The following THADA variants were observed in gnomAD, a reference collection of about 807,000 sequenced individuals.
THADA encodes THADA armadillo repeat containing, also known as tRNA (32-2'-O)-methyltransferase regulator THADA.
A neutral mutation model predicts 219.8 loss-of-function variants in THADA; 213 were observed. The observed-to-expected ratio is 0.97, with a 90% CI of 0.87 to 1.09. The LOEUF is 1.09. Among genes scored for constraint, THADA ranks in the 50% least tolerant of loss-of-function variants. The pLI, the probability that THADA is intolerant of heterozygous loss-of-function variation, is 0.00. For missense variants in THADA, 2,956 were observed against 2,311.3 expected (o/e 1.28, Z -5.72); for synonymous variants, 1,018 against 828.9 (o/e 1.23, Z -3.92).
rs60160209 is a variant in THADA at position 43,470,002 on chromosome 2, G to A, written c.3836+15232C>T. 8.6e-3 allele frequency among the ~76,000 whole-genome samples: 1,302 copies of A among 152,146 alleles called. 18 individuals are homozygous for A. Among genetic ancestry groups the A allele is most frequent in the African/African-American group, 0.03 (1,245 of 41,496 alleles). Reference sequence around the variant, plus strand: ...GAGGCAGGCAGATCACTTGAGCTCAGGAGTTTGAGGCCAGCATGGGCAACA... The same window carrying A: ...GAGGCAGGCAGATCACTTGAGCTCAAGAGTTTGAGGCCAGCATGGGCAACA... On this transcript the variant is annotated intron_variant, in intron 26 of 37. Coordinates refer to ENST00000405975, the MANE Select transcript of THADA (RefSeq NM_022065.5).
rs534140772 is a variant in THADA, at chr2:43,449,271, G to A, written c.3837-18969C>T. ...TGAAGATAAGACAAGGGAAATTATT[G>A]AGTCTGAGGAACAAAAAAAAGATTA... On this transcript the variant is annotated intron_variant, in intron 26 of 37. Coordinates refer to ENST00000405975, the MANE Select transcript of THADA (RefSeq NM_022065.5). Among the ~76,000 whole-genome samples, 63 of 152,202 alleles carry A rather than the reference G, an allele frequency of 4.1e-4. 1 individual carries two copies. The South Asian group carries it at 0.012, about 30-fold the overall frequency.
At chr2:43,442,611 T>G (rs1341213790) in intron 26 of THADA, among the ~76,000 whole-genome samples, 1 of 152,206 alleles carries the variant, frequency 6.6e-6, no homozygotes. Context: ...GCATTAATTT[T>G]TTTTAGAAAC....
chr2:43,264,698 C>A (rs1671324849), intron 36 of THADA, among the ~76,000 whole-genome samples: 1 of 152,092 alleles, frequency 6.6e-6, no homozygotes, highest in African/African-American at 2.4e-5. Context: ...TAGATCTACT[C>A]TGGATTGGGA....
intron 36 of THADA, among the ~76,000 whole-genome samples, chr2:43,263,358 C>T (rs1241329540): frequency 6.6e-6 from 1 of 152,046 alleles, no homozygotes; most frequent in Admixed American, 6.5e-5. Context: ...CCTGACCTGG[C>T]CAAGGATGCA....
intron 20 of THADA, 117 bp from the exon 21 acceptor site, chr2:43,541,433 C>T (rs529823770): frequency 7.8e-6 from 9 of 1,148,980 alleles, no homozygotes; most frequent in South Asian, 5.6e-5. Context: ...CCCGATTTGT[C>T]ATGTTATATT....
At chr2:43,560,447 G>A in intron 15 of THADA, 62 bp from the exon 16 acceptor site, 1 of 1,257,178 alleles carries the variant, frequency 8.0e-7, no homozygotes, top group Non-Finnish European at 1.1e-6. Flanking sequence ...GTCTTCTGAA[G>A]TTATTTGACC....
At chr2:43,304,387 A>C (rs2104416066) in intron 31 of THADA, among the ~76,000 whole-genome samples, 1 of 152,228 alleles carries the variant, frequency 6.6e-6, no homozygotes, top group East Asian at 1.9e-4. Context: ...CAACCCAACA[A>C]CAACAAAAAA....
chr2:43,490,074 C>A (rs1029216075), intron 25 of THADA, among the ~76,000 whole-genome samples: 1 of 152,042 alleles, frequency 6.6e-6, no homozygotes, highest in African/African-American at 2.4e-5. Context: ...CTTGCAGTTC[C>A]TTTGCTAAAT....
chr2:43,485,095 G>A, intron 26 of THADA, 139 bp downstream of exon 26: 1 of 611,604 alleles, frequency 1.6e-6, no homozygotes, highest in Non-Finnish European at 2.7e-6. Flanking sequence ...TGGCAGCATA[G>A]GTTAATTCAT....
rs958694076 is a variant in THADA, at chr2:43,566,785, C to T, written c.2224G>A (p.Ala742Thr). The change falls in exon 15 of 38, where the codon GCA becomes ACA. Residue 742 changes from alanine to threonine, a missense_variant. Ala to Thr is a moderately conservative substitution (Grantham distance 58). Transcript: ENST00000405975. ...MSSICNSLFE[A>T]LFPGSSYSTR... ...GAGTAGGAAGATCCAGGAAACAATGCTTCAAAAAGACTGTTACAAATGGAT... is the reference window on the plus strand; with the variant it reads ...GAGTAGGAAGATCCAGGAAACAATGTTTCAAAAAGACTGTTACAAATGGAT... 1.3e-5 allele frequency: 20 copies of T among 1,518,570 alleles called. No homozygotes were observed. Among genetic ancestry groups the T allele is most frequent in the Non-Finnish European group, 1.7e-5 (19 of 1,139,942 alleles). The allele number at this position is 1,518,570 out of a possible 1,614,324, so 94.1% of individuals were successfully genotyped here.
At chr2:43,419,420 AT>A (rs974736524) in intron 28 of THADA, among the ~76,000 whole-genome samples, 2 of 152,226 alleles carry the variant, frequency 1.3e-5, no homozygotes, top group Non-Finnish European at 2.9e-5. Flanking sequence ...TTACTAGAAG[AT>A]TAGAAATAGA....
chr2:43,249,488 G>A (rs1348350998), intron 36 of THADA, among the ~76,000 whole-genome samples: 1 of 152,134 alleles, frequency 6.6e-6, no homozygotes, highest in South Asian at 2.1e-4. Flanking sequence ...AGACAACTCT[G>A]ACCTGATTAT....
chr2:43,541,441 AT>A, intron 20 of THADA, 125 bp from the exon 21 acceptor site: 1 of 1,058,758 alleles, frequency 9.4e-7, no homozygotes, highest in Non-Finnish European at 1.4e-6. Flanking sequence ...GTCATGTTAT[AT>A]TTACTCAGAA....
chr2:43,367,507 C>A (rs904074698), intron 29 of THADA, among the ~76,000 whole-genome samples: 1 of 152,072 alleles, frequency 6.6e-6, no homozygotes, highest in Non-Finnish European at 1.5e-5. Context: ...CTAACATTAC[C>A]AACTGGTATT....
chr2:43,397,877 C>T, intron 29 of THADA, 94 bp downstream of exon 29: 1 of 1,304,680 alleles, frequency 7.7e-7, no homozygotes, highest in Non-Finnish European at 1.1e-6. Flanking sequence ...AGTTAAGAGG[C>T]TGTGTATCAA....
chr2:43,308,561 G>T (rs1203147050), intron 31 of THADA, among the ~76,000 whole-genome samples: 1 of 151,820 alleles, frequency 6.6e-6, no homozygotes, highest in African/African-American at 2.4e-5. Flanking sequence ...AAGAATTAGG[G>T]CATGGTGGCA....
chr2:43,420,515 A>T (rs1294623763), intron 28 of THADA, among the ~76,000 whole-genome samples: 1 of 152,216 alleles, frequency 6.6e-6, no homozygotes, highest in African/African-American at 2.4e-5. Flanking sequence ...TAAGAATGGG[A>T]CTGTGTGCAG....
Position 43,580,163 on chromosome 2 carries a change from T to A in THADA, c.722-1556A>T, listed in dbSNP as rs57972374. ...CCTCAGCCTCCCGAGTAGCTGGAAC[T>A]ACAGGTGCACGCCACCACGCCCAGC... On this transcript the variant is annotated intron_variant, in intron 8 of 37. Coordinates refer to ENST00000405975, the MANE Select transcript of THADA (RefSeq NM_022065.5). Among the ~76,000 whole-genome samples the A allele has an allele frequency of 7.7e-3, 1,170 of 151,596 alleles. 16 individuals are homozygous for A. Among genetic ancestry groups the A allele is most frequent in the African/African-American group, 0.027 (1,127 of 41,280 alleles).
Position 43,570,515 on chromosome 2 carries a change from TG to T in THADA, c.2065-6del, listed in dbSNP as rs772180354. 1.0e-5 allele frequency: 16 copies of T among 1,603,192 alleles called. No homozygotes were observed. In the South Asian group the frequency reaches 1.8e-4, roughly 18 times the overall value. On this transcript the variant is annotated splice_region_variant and splice_polypyrimidine_tract_variant and intron_variant, in intron 13 of 37. Coordinates refer to ENST00000405975, the MANE Select transcript of THADA (RefSeq NM_022065.5). ...TTCCTGTATCCTACAAAACAACTTT[TG>T]AAACAAAGGAAATGAAGCACAGGTG...
Sources: allele counts gnomAD v4.1 joint callset (sites outside exome capture counted in the v4.1 genomes callset), GRCh38; gene constraint gnomAD v4.1.1; transcripts MANE v1.5; gene names NCBI Gene and HGNC (gene_info 2026-07-23, HGNC 2026-07-21).